Variants in VPS13C observed in about 807,000 individuals in gnomAD.
The protein encoded by VPS13C is vacuolar protein sorting 13 homolog C, also known as intermembrane lipid transfer protein VPS13C.
A neutral mutation model predicts 456.8 loss-of-function variants in VPS13C; 358 were observed. That is an observed-to-expected ratio of 0.78 (90% CI 0.72 to 0.86). VPS13C has a LOEUF of 0.86. Among genes scored for constraint, VPS13C ranks in the 40% least tolerant of loss-of-function variants. The probability of loss-of-function intolerance (pLI) is 0.00; values close to 1 mark genes in which losing one functional copy is unlikely to be tolerated. For synonymous variants in VPS13C, 1,578 were observed against 1,486.7 expected (o/e 1.06, Z -1.41); for missense variants, 4,818 against 4,385.4 (o/e 1.10, Z -2.79).
Position 61,852,400 on chromosome 15 carries a change from G to C in VPS13C, c.*2057C>G, listed in dbSNP as rs1165902857. ...ACAAACCCACAAAGTTTTCACACCT[G>C]TAAACAATGTGCCAAATGTTTTATT... On this transcript the variant is annotated 3_prime_UTR_variant, in exon 85 of 85. Transcript: ENST00000644861. 1 of 152,162 alleles carries C rather than the reference G, an allele frequency of 6.6e-6. No individual in the cohort carries two copies. The highest frequency in any genetic ancestry group is 6.5e-5 in the Admixed American group (1 of 15,268). 9.4% of individuals were successfully genotyped at this position (152,162 alleles called of 1,614,324 possible). A position where few individuals can be genotyped will look rare whatever the true frequency, so the allele number is the denominator to read the frequency against.
At chr15:61,891,294 C>A (rs1284777052) in intron 66 of VPS13C, among the ~76,000 whole-genome samples, 2 of 152,028 alleles carry the variant, frequency 1.3e-5, no homozygotes, top group Non-Finnish European at 2.9e-5. Flanking sequence ...CTACTATGTA[C>A]TTTCCATTCC....
At chr15:62,036,847 CG>C (rs2048016082) in intron 3 of VPS13C, among the ~76,000 whole-genome samples, 1 of 151,512 alleles carries the variant, frequency 6.6e-6, no homozygotes, top group Admixed American at 6.6e-5. Context: ...TTTAAGAAAA[CG>C]GGTAACTCAA....
At chr15:61,909,508 G>C (rs746596221) in intron 64 of VPS13C, among the ~76,000 whole-genome samples, 6 of 152,136 alleles carry the variant, frequency 3.9e-5, no homozygotes, top group Non-Finnish European at 5.9e-5. Context: ...CACCCGGCCT[G>C]TTTCCTTAAG....
At chr15:61,875,893 A>G in intron 75 of VPS13C, 48 bp from the exon 76 acceptor site, 1 of 1,227,658 alleles carries the variant, frequency 8.1e-7, no homozygotes, top group East Asian at 2.4e-5. Flanking sequence ...CTATTGTAAG[A>G]AACATCATAA....
chr15:61,922,408 C>A lies in VPS13C; in HGVS notation c.6964G>T (p.Val2322Leu), dbSNP rs12907567. The change falls in exon 54 of 85, where the codon GTG (valine) becomes TTG (leucine). Residue 2322 changes from valine to leucine, a missense_variant. Physicochemically the swap from Val to Leu is conservative, Grantham distance 32. This residue lies in a region of VPS13C where 4,552 missense variants were observed against 4,130.6 expected (regional missense o/e 1.10). Coordinates refer to ENST00000644861, the MANE Select transcript of VPS13C (RefSeq NM_020821.3). ...WTSLMAAVADVTLQVHYYNEI... is the reference protein window; with the variant it reads ...WTSLMAAVADLTLQVHYYNEI... Reference sequence around the variant, plus strand: ...TGATGTGGCCATACCTGTAGTGTCACGTCAGCAACAGCAGCCATTAGAGAA... The same window carrying A: ...TGATGTGGCCATACCTGTAGTGTCAAGTCAGCAACAGCAGCCATTAGAGAA... 6.2e-7 allele frequency: 1 copy of A among 1,612,494 alleles called. No homozygotes were observed. The highest frequency in any genetic ancestry group is 1.1e-5 in the South Asian group (1 of 90,832).
intron 18 of VPS13C, among the ~76,000 whole-genome samples, chr15:61,988,956 T>C (rs998475428): frequency 6.6e-6 from 1 of 152,046 alleles, no homozygotes; most frequent in Non-Finnish European, 1.5e-5. Flanking sequence ...ATAAAACTTC[T>C]AGAAGCATAG....
At chr15:62,054,451 C>G (rs1050012267) in intron 1 of VPS13C, among the ~76,000 whole-genome samples, 1 of 152,098 alleles carries the variant, frequency 6.6e-6, no homozygotes, top group African/African-American at 2.4e-5. Context: ...AATTATCACT[C>G]AATAGAAGAT....
chr15:62,036,005 G>T (rs1234766901), intron 3 of VPS13C, among the ~76,000 whole-genome samples: 1 of 151,950 alleles, frequency 6.6e-6, no homozygotes, highest in Non-Finnish European at 1.5e-5. Flanking sequence ...CTAATCTCTA[G>T]TATCCCCTCG....
rs1482024415 is a variant in VPS13C, at chr15:62,008,641, A to G, written c.1118+14T>C. On this transcript the variant is annotated intron_variant, in intron 14 of 84. Coordinates refer to ENST00000644861, the MANE Select transcript of VPS13C (RefSeq NM_020821.3). The stretch of plus-strand genomic sequence containing the variant: ...ATATGTTCCTCACAAAACAAAAAAC[A>G]AATTCTAACTTACCATCGTCGACCA... 1.3e-6 allele frequency: 2 copies of G among 1,570,186 alleles called. No individual in the cohort carries two copies. Among genetic ancestry groups the G allele is most frequent in the African/African-American group, 2.7e-5 (2 of 73,438 alleles).
In VPS13C at chr15:61,863,458, A is replaced by C; in HGVS notation, c.10934T>G (p.Ile3645Ser). ...HCAIPGSKKTILMVTNRRVLC... is the reference protein window; with the variant it reads ...HCAIPGSKKTSLMVTNRRVLC... ...TCAGTACCTATTTGTAACCATAAGGATTGTCTTCTTGCTTCCAGGAATAGC... is the reference window on the plus strand; with the variant it reads ...TCAGTACCTATTTGTAACCATAAGGCTTGTCTTCTTGCTTCCAGGAATAGC... Residue 3645 changes from isoleucine to serine, a missense_variant, in exon 82 of 85, where the codon ATC (isoleucine) becomes AGC (serine). Coordinates refer to ENST00000644861, the MANE Select transcript of VPS13C (RefSeq NM_020821.3). The C allele has an allele frequency of 6.2e-7, 1 of 1,612,462 alleles. No individual in the cohort carries two copies. The highest frequency in any genetic ancestry group is 8.5e-7 in the Non-Finnish European group (1 of 1,178,962).
intron 47 of VPS13C, among the ~76,000 whole-genome samples, chr15:61,939,325 T>C (rs912321323): frequency 6.6e-6 from 1 of 152,196 alleles, no homozygotes; most frequent in African/African-American, 2.4e-5. Flanking sequence ...ACCCTATGAA[T>C]GCCCAAACAA....
intron 45 of VPS13C, among the ~76,000 whole-genome samples, chr15:61,945,281 G>A (rs1388444199): frequency 6.6e-6 from 1 of 152,130 alleles, no homozygotes; most frequent in East Asian, 1.9e-4. Flanking sequence ...CAGTTACATG[G>A]AAATAAGTAA....
intron 12 of VPS13C, 80 bp from the exon 13 acceptor site, chr15:62,010,679 T>A: frequency 7.5e-7 from 1 of 1,337,694 alleles, no homozygotes; most frequent in South Asian, 1.9e-5. Flanking sequence ...GAGAACACTG[T>A]TACTCTAGAA....
In VPS13C at chr15:61,959,807, T is replaced by A. The variant is rs533046326; in HGVS notation, c.3909-212A>T. 2.0e-5 allele frequency among the ~76,000 whole-genome samples: 3 copies of A among 152,230 alleles called. No homozygotes were observed. The East Asian group carries it at 5.8e-4, about 29-fold the overall frequency. On this transcript the variant is annotated intron_variant, in intron 35 of 84. Coordinates refer to ENST00000644861, the MANE Select transcript of VPS13C (RefSeq NM_020821.3). ...ATATACAATGAACCATTAAGAAAAC[T>A]TTTTTCTTTAAACAGTAGATAGGTG...
At position 61,929,547 on chromosome 15, in the gene VPS13C, C is replaced by T; in HGVS notation, c.6240G>A (p.Gln2080=). 6.2e-7 allele frequency: 1 copy of T among 1,614,046 alleles called. No homozygotes were observed. The highest frequency in any genetic ancestry group is 1.1e-5 in the South Asian group (1 of 91,076). The change falls in exon 51 of 85, where the codon CAG becomes CAA. Residue 2080 remains glutamine (Q), a synonymous_variant. Coordinates refer to ENST00000644861, the MANE Select transcript of VPS13C (RefSeq NM_020821.3). ...CTGTGGCAGTCTGTCTTGGTAAAAT[C>T]TGTGTTTCTTTTGCCACATTTTCTG... ...QSPENVAKET[Q]ILPRQTATGK... is the part of the protein sequence containing the mutation.
chr15:61,939,067 T>C (rs1161226212), intron 47 of VPS13C, among the ~76,000 whole-genome samples: 2 of 152,258 alleles, frequency 1.3e-5, no homozygotes, highest in East Asian at 1.9e-4. Context: ...TTATTCACTT[T>C]ATCTGCTTTA....
intron 64 of VPS13C, 52 bp from the exon 65 acceptor site, chr15:61,909,177 T>G: frequency 6.3e-7 from 1 of 1,591,140 alleles, no homozygotes; most frequent in Non-Finnish European, 8.6e-7. Flanking sequence ...AATCTACACT[T>G]ACATATGGAA....
chr15:62,060,351 C>A lies in VPS13C; in HGVS notation c.24G>T (p.Ala8=). Residue 8 remains alanine, a synonymous_variant, in exon 1 of 85, where the codon GCG becomes GCT. Coordinates refer to ENST00000644861, the MANE Select transcript of VPS13C (RefSeq NM_020821.3). The part of the protein sequence containing the change: MVLESVV[A]DLLNRFLGDY... ...CCCCCAGGAAGCGGTTCAGCAAGTC[C>A]GCGACCACCGACTCCAGCACCATGG... 1 of 1,599,498 alleles carries A rather than the reference C, an allele frequency of 6.3e-7. No individual in the cohort carries two copies. Among genetic ancestry groups the A allele is most frequent in the Non-Finnish European group, 8.5e-7 (1 of 1,173,360 alleles).
intron 73 of VPS13C, chr15:61,879,637 A>G (rs974121492): frequency 1.3e-5 from 2 of 152,104 alleles, no homozygotes; most frequent in African/African-American, 4.8e-5. Context: ...TCAATCATTA[A>G]TATCCCCCTA....
Sources: gnomAD v4.1 joint callset for allele counts (sites outside exome capture counted in the v4.1 genomes callset) on GRCh38, gnomAD v4.1.1 for gene constraint, gnomAD v4.1.1 regional missense constraint, MANE v1.5 for transcripts, NCBI Gene and HGNC (gene_info 2026-07-23, HGNC 2026-07-21) for gene names.